RARB: variants seen among roughly 807,000 people sequenced by gnomAD.
RARB encodes HBV-activated protein.
Under a neutral mutation model 51.9 loss-of-function variants are expected in RARB, and 17 were observed. The ratio of observed to expected loss-of-function variants is 0.33; its 90% confidence interval spans 0.22 to 0.49. The LOEUF (loss-of-function observed/expected upper bound fraction) is 0.49. RARB is among the 20% of genes least tolerant of loss of function. The pLI is 0.99. For synonymous variants in RARB, 215 were observed against 195.4 expected, an observed-to-expected ratio of 1.10 and a Z score of -0.84; for missense variants, 369 against 550.8, an observed-to-expected ratio of 0.67 and a Z score of 3.30.
chr3:25,024,645 AT>A (rs2125286652), intron 2 of RARB, among the ~76,000 whole-genome samples: 1 of 152,286 alleles, frequency 6.6e-6, no homozygotes, highest in Admixed American at 6.5e-5. Context: ...CTGCAACAAG[AT>A]AAGAAATCTT....
chr3:25,108,512 G>C lies in RARB; in HGVS notation c.-327-23649G>C, dbSNP rs76629480. Reference sequence around the variant, plus strand: ...ATAAATAACGGTGGGAGGTTTTATGGACCAGATCAGGAAGTGCCATACATC... The same window carrying C: ...ATAAATAACGGTGGGAGGTTTTATGCACCAGATCAGGAAGTGCCATACATC... On this transcript the variant is annotated intron_variant, in intron 3 of 11. Coordinates refer to the RARB transcript ENST00000383772. 2.8e-3 allele frequency among the ~76,000 whole-genome samples: 432 copies of C among 152,156 alleles called. 3 individuals carry two copies. The highest frequency in any genetic ancestry group is 0.01 in the African/African-American group (421 of 41,514).
intron 2 of RARB, among the ~76,000 whole-genome samples, chr3:24,995,382 G>C (rs1294965102): frequency 6.6e-6 from 1 of 151,722 alleles, no homozygotes; most frequent in Admixed American, 6.6e-5. Context: ...AGAGTCTTTA[G>C]GTTTTTCTAT....
chr3:25,328,714 G>A (rs544305949), intron 5 of RARB, among the ~76,000 whole-genome samples: 7 of 152,312 alleles, frequency 4.6e-5, no homozygotes, highest in African/African-American at 1.4e-4. Context: ...ATGAGCCAAA[G>A]CAGGGCGGGG....
At chr3:24,880,980 T>C (rs114543023) in intron 2 of RARB, among the ~76,000 whole-genome samples, 1 of 152,216 alleles carries the variant, frequency 6.6e-6, no homozygotes, top group Admixed American at 6.5e-5. Context: ...CCAAATCTCA[T>C]CTTGAATGGT....
intron 2 of RARB, among the ~76,000 whole-genome samples, chr3:24,871,800 C>T (rs915649834): frequency 6.6e-6 from 1 of 152,150 alleles, no homozygotes; most frequent in African/African-American, 2.4e-5. Context: ...TGACTTTATT[C>T]CTTAAACTAA....
At chr3:25,399,389 T>C (rs1707205029) in intron 5 of RARB, among the ~76,000 whole-genome samples, 1 of 152,202 alleles carries the variant, frequency 6.6e-6, no homozygotes, top group African/African-American at 2.4e-5. Flanking sequence ...TGACACAGTC[T>C]GGACCACCTA....
intron 5 of RARB, among the ~76,000 whole-genome samples, chr3:25,308,015 C>T (rs927004452): frequency 2.0e-5 from 3 of 152,168 alleles, no homozygotes; most frequent in Admixed American, 2.0e-4. Flanking sequence ...AAAAAGTTTG[C>T]CAATCCCTGC....
Position 25,106,223 on chromosome 3 carries a change from G to A in RARB, c.-327-25938G>A, listed in dbSNP as rs148338856. 1.1e-4 allele frequency among the ~76,000 whole-genome samples: 9 copies of A among 80,756 alleles called. No individual in the cohort carries two copies. In the East Asian group the frequency reaches 4.9e-3, roughly 44 times the overall value. 53.0% of individuals were successfully genotyped at this position (80,756 alleles called of 152,430 possible). ...ATCTGAGTTTGCGACAGAACTTACA[G>A]TTGTGGTGTTTCAAAGGGTGGTTTC... On this transcript the variant is annotated intron_variant, in intron 3 of 11. Coordinates refer to the RARB transcript ENST00000383772.
intron 3 of RARB, among the ~76,000 whole-genome samples, chr3:25,109,123 A>G (rs1019348926): frequency 3.9e-5 from 6 of 152,240 alleles, no homozygotes; most frequent in Non-Finnish European, 7.3e-5. Context: ...GTAACATGCA[A>G]ATCACCTAGT....
intron 3 of RARB, among the ~76,000 whole-genome samples, chr3:25,529,772 A>C (rs1480165659): frequency 2.0e-5 from 3 of 152,254 alleles, no homozygotes; most frequent in African/African-American, 4.8e-5. Context: ...GGTAAAGTAT[A>C]GCTCAGTTGA....
intron 5 of RARB, among the ~76,000 whole-genome samples, chr3:25,414,192 C>T (rs1247956039): frequency 1.3e-5 from 2 of 152,200 alleles, no homozygotes; most frequent in Non-Finnish European, 2.9e-5. Context: ...TTGTATCCAT[C>T]TTCTTTCACT....
At chr3:25,087,222 A>AC (rs1391574082) in intron 3 of RARB, among the ~76,000 whole-genome samples, 1 of 152,114 alleles carries the variant, frequency 6.6e-6, no homozygotes, top group African/African-American at 2.4e-5. Context: ...CTGTCTGACC[A>AC]CCTATTCCTT....
intron 5 of RARB, among the ~76,000 whole-genome samples, chr3:25,317,373 A>G (rs1704455211): frequency 6.6e-6 from 1 of 152,164 alleles, no homozygotes; most frequent in Admixed American, 6.6e-5. Flanking sequence ...TAATTTCCTG[A>G]GGAAGAATTA....
intron 5 of RARB, among the ~76,000 whole-genome samples, chr3:25,232,411 G>A (rs1351189377): frequency 6.6e-6 from 1 of 151,578 alleles, no homozygotes; most frequent in Non-Finnish European, 1.5e-5. Context: ...AAAAAGAATT[G>A]GCATCTTGGC....
chr3:25,574,569 T>C (rs919335262), intron 4 of RARB, among the ~76,000 whole-genome samples: 2 of 152,218 alleles, frequency 1.3e-5, no homozygotes, highest in African/African-American at 4.8e-5. Flanking sequence ...GGGCCGCCTC[T>C]GCTCCCGGCC....
At chr3:25,456,282 A>T (rs1384745287) in intron 1 of RARB, among the ~76,000 whole-genome samples, 1 of 152,228 alleles carries the variant, frequency 6.6e-6, no homozygotes, top group African/African-American at 2.4e-5. Context: ...TAAATACCAA[A>T]AATGACTGGT....
intron 2 of RARB, among the ~76,000 whole-genome samples, chr3:24,900,772 G>A (rs1171718562): frequency 2.6e-5 from 4 of 152,156 alleles, no homozygotes; most frequent in African/African-American, 9.6e-5. Context: ...TTTGAGCACA[G>A]CAGCACATTC....
chr3:25,277,848 CT>C (rs1407907646), intron 5 of RARB, among the ~76,000 whole-genome samples: 1 of 152,174 alleles, frequency 6.6e-6, no homozygotes, highest in Non-Finnish European at 1.5e-5. Flanking sequence ...CACAACATGT[CT>C]TGTACCTCAG....
At chr3:25,247,587 C>A (rs114710820) in intron 5 of RARB, among the ~76,000 whole-genome samples, 1 of 152,122 alleles carries the variant, frequency 6.6e-6, no homozygotes, top group Admixed American at 6.5e-5. Context: ...GTTCCCTCAC[C>A]CCTTGAACTT....
Sources: allele counts gnomAD v4.1 joint callset (sites outside exome capture counted in the v4.1 genomes callset), GRCh38; gene constraint gnomAD v4.1.1; transcripts MANE v1.5; gene names NCBI Gene and HGNC (gene_info 2026-07-23, HGNC 2026-07-21).